The following KMT2E variants were observed in gnomAD, a reference collection of about 807,000 sequenced individuals.
KMT2E encodes the protein histone reader KMT2E.
Under a neutral mutation model 184.6 loss-of-function variants are expected in KMT2E, and 30 were observed. The observed-to-expected ratio is 0.16, with a 90% CI of 0.12 to 0.22. The LOEUF is 0.22. Among genes scored for constraint, KMT2E ranks in the 10% least tolerant of loss-of-function variants. The pLI is 1.00. For synonymous variants in KMT2E, 815 were observed against 776.5 expected, an observed-to-expected ratio of 1.05 and a Z score of -0.82; for missense variants, 2,023 against 2,237.4, an observed-to-expected ratio of 0.90 and a Z score of 1.93.
Position 105,078,900 on chromosome 7 carries a change from T to C in KMT2E, c.1185T>C (p.Val395=), listed in dbSNP as rs1669841513. 6.2e-7 allele frequency: 1 copy of C among 1,611,590 alleles called. No homozygotes were observed. Among genetic ancestry groups the C allele is most frequent in the Non-Finnish European group, 8.5e-7 (1 of 1,177,992 alleles). Residue 395 remains valine, a synonymous_variant, in exon 12 of 27, where the codon GTT becomes GTC. Transcript: ENST00000311117. ...AATTTCATGGGCTAGAAATGTGTGT[T>C]GATGCAAGGACTTTTGGGAATGAGG... The part of the protein sequence containing the change: ...YSKFHGLEMC[V]DARTFGNEAR...
chr7:105,109,292 TTTG>T (rs1381026307), intron 23 of KMT2E, 64 bp downstream of exon 23: 2 of 1,502,184 alleles, frequency 1.3e-6, no homozygotes, highest in East Asian at 2.4e-5. Flanking sequence ...ATTCTTCCTA[TTTG>T]TTGTTCTCCC....
chr7:105,076,127 CA>C, intron 9 of KMT2E, 46 bp downstream of exon 9: 1 of 1,288,132 alleles, frequency 7.8e-7, no homozygotes, highest in Non-Finnish European at 1.1e-6. Context: ...GTCATTTATT[CA>C]GGAGCTACAT....
rs573559668 is a variant in KMT2E, at chr7:105,049,292, C to T, written c.71+8269C>T. Reference sequence around the variant, plus strand: ...AAACCCCATCTGTACAAAAAAAATACCATAGTTAGCCAAGTGTGGTTGCTT... The same window carrying T: ...AAACCCCATCTGTACAAAAAAAATATCATAGTTAGCCAAGTGTGGTTGCTT... On this transcript the variant is annotated intron_variant, in intron 3 of 26. Coordinates refer to ENST00000311117, the MANE Select transcript of KMT2E (RefSeq NM_182931.3). Among the ~76,000 whole-genome samples the T allele has an allele frequency of 5.3e-5, 8 of 151,850 alleles. No homozygotes were observed. In the East Asian group the frequency reaches 1.4e-3, roughly 26 times the overall value.
At chr7:105,098,361 T>C (rs912317569) in intron 15 of KMT2E, among the ~76,000 whole-genome samples, 2 of 152,008 alleles carry the variant, frequency 1.3e-5, no homozygotes, top group Non-Finnish European at 2.9e-5. Context: ...TGCCTCAGTG[T>C]CTGGAGTAGC....
intron 1 of KMT2E, among the ~76,000 whole-genome samples, chr7:105,035,478 T>G (rs1274619915): frequency 1.4e-5 from 2 of 141,990 alleles, no homozygotes; most frequent in Admixed American, 1.4e-4. Context: ...CAAGATCGGC[T>G]TTTTTTTTTT....
rs1799349956 is a variant in KMT2E at position 105,112,505 on chromosome 7, A to G, written c.4749A>G (p.Thr1583=). Reference sequence around the variant, plus strand: ...GTCTTTCTCAACAAACTGTGTTTACATCAGGACCAAATCAAGCACTTCCTG... The same window carrying G: ...GTCTTTCTCAACAAACTGTGTTTACGTCAGGACCAAATCAAGCACTTCCTG... ...KGSLSQQTVF[T]SGPNQALPGT... Residue 1583 remains threonine (T), a synonymous_variant, in exon 27 of 27, where the codon ACA becomes ACG. Coordinates refer to ENST00000311117, the MANE Select transcript of KMT2E (RefSeq NM_182931.3). The G allele has an allele frequency of 6.2e-7, 1 of 1,614,092 alleles. No individual in the cohort carries two copies. Among genetic ancestry groups the G allele is most frequent in the East Asian group, 2.2e-5 (1 of 44,878 alleles).
Position 105,112,962 on chromosome 7 carries a change from G to A in KMT2E, c.5206G>A (p.Ala1736Thr), listed in dbSNP as rs756833268. Reference sequence around the variant, plus strand: ...GGCTTCTGGGCATCATACCACATCAGCTCAAGCCTTACACCACCCACCTCA... The same window carrying A: ...GGCTTCTGGGCATCATACCACATCAACTCAAGCCTTACACCACCCACCTCA... ...VLASGHHTTS[A>T]QALHHPPHQG... Residue 1736 changes from alanine to threonine, a missense_variant, in exon 27 of 27, where the codon GCT (alanine) becomes ACT (threonine). Coordinates refer to ENST00000311117, the MANE Select transcript of KMT2E (RefSeq NM_182931.3). 6.2e-7 allele frequency: 1 copy of A among 1,613,810 alleles called. No individual in the cohort carries two copies. Among genetic ancestry groups the A allele is most frequent in the South Asian group, 1.1e-5 (1 of 91,056 alleles).
chr7:105,025,645 G>A (rs1795146787), intron 1 of KMT2E, among the ~76,000 whole-genome samples: 1 of 152,120 alleles, frequency 6.6e-6, no homozygotes, highest in African/African-American at 2.4e-5. Context: ...AATGCTCATG[G>A]AAGTTATAGG....
At position 105,077,031 on chromosome 7, in the gene KMT2E, A is replaced by T. The variant is rs772778475; in HGVS notation, c.837A>T (p.Ala279=). 6.2e-7 allele frequency: 1 copy of T among 1,614,016 alleles called. No homozygotes were observed. Among genetic ancestry groups the T allele is most frequent in the South Asian group, 1.1e-5 (1 of 91,068 alleles). ...TTGGATGGGAGACAAAGATCAAAGC[A>T]TGGATGGATCGATATGAAGAAGCAA... ...SNFGWETKIK[A]WMDRYEEANN... is the part of the protein sequence containing the mutation. Residue 279 remains alanine (A), a synonymous_variant, in exon 10 of 27, where the codon GCA becomes GCT. Transcript: ENST00000311117.
At position 105,055,752 on chromosome 7, in the gene KMT2E, T is replaced by C. The variant is rs184600512; in HGVS notation, c.72-6412T>C. On this transcript the variant is annotated intron_variant, in intron 3 of 26. Coordinates refer to ENST00000311117, the MANE Select transcript of KMT2E (RefSeq NM_182931.3). ...TGTCTGGAATACTTTCTCCATCTCT[T>C]TGCCTTCTCTATTTCATGGACTTGT... 1.5e-3 allele frequency among the ~76,000 whole-genome samples: 226 copies of C among 152,328 alleles called. 1 individual carries two copies. Among genetic ancestry groups the C allele is most frequent in the Non-Finnish European group, 1.5e-3 (99 of 68,022 alleles).
chr7:105,051,215 C>T (rs952762063), intron 3 of KMT2E, among the ~76,000 whole-genome samples: 2 of 146,276 alleles, frequency 1.4e-5, no homozygotes, highest in African/African-American at 5.0e-5. Flanking sequence ...GATGGAGTTT[C>T]GCTCTTGTTG....
At chr7:105,040,355 G>A (rs1373004114) in intron 2 of KMT2E, among the ~76,000 whole-genome samples, 7 of 152,022 alleles carry the variant, frequency 4.6e-5, no homozygotes, top group Admixed American at 3.9e-4. Flanking sequence ...AGTGCTTTTC[G>A]GTATTAGCCT....
chr7:105,086,013 G>A (rs1048935655), intron 13 of KMT2E, among the ~76,000 whole-genome samples: 2 of 152,058 alleles, frequency 1.3e-5, no homozygotes, highest in Admixed American at 1.3e-4. Flanking sequence ...GTCTGTATTT[G>A]TTGGCAAATA....
At position 105,112,017 on chromosome 7, in the gene KMT2E, G is replaced by A. The variant is rs766600155; in HGVS notation, c.4261G>A (p.Val1421Ile). The change falls in exon 27 of 27, where the codon GTT becomes ATT. Residue 1421 changes from valine (V) to isoleucine (I), a missense_variant. Physicochemically the swap from Val to Ile is conservative, Grantham distance 29. This residue lies in a region of KMT2E where 1,108 missense variants were observed against 1,050.9 expected (regional missense o/e 1.05). Coordinates refer to ENST00000311117, the MANE Select transcript of KMT2E (RefSeq NM_182931.3). ...LSKNHPPQTHVRNSSEQLSQK... is the reference protein window; with the variant it reads ...LSKNHPPQTHIRNSSEQLSQK... ...AAAGAATCATCCTCCTCAGACACAC[G>A]TTCGTAATTCATCTGAGCAACTTTC... is the stretch of plus-strand genomic sequence containing the variant. The A allele has an allele frequency of 2.8e-5, 45 of 1,614,024 alleles. No homozygotes were observed. Among genetic ancestry groups the A allele is most frequent in the Non-Finnish European group, 3.5e-5 (41 of 1,180,034 alleles).
chr7:105,042,726 C>A (rs1206208870), intron 3 of KMT2E, among the ~76,000 whole-genome samples: 1 of 152,046 alleles, frequency 6.6e-6, no homozygotes, highest in African/African-American at 2.4e-5. Flanking sequence ...TTCATTTGCT[C>A]TTTATTTTTA....
chr7:105,071,497 G>T (rs1315812363), intron 6 of KMT2E, among the ~76,000 whole-genome samples: 1 of 146,568 alleles, frequency 6.8e-6, no homozygotes, highest in Non-Finnish European at 1.5e-5. Flanking sequence ...CTGCCGAGTA[G>T]CTGGACCACA....
chr7:105,049,926 TA>T (rs1228275209), intron 3 of KMT2E, among the ~76,000 whole-genome samples: 2 of 151,900 alleles, frequency 1.3e-5, no homozygotes, highest in African/African-American at 4.8e-5. Context: ...ATGTCACTTT[TA>T]AAAAAATTGG....
chr7:105,015,566 G>A (rs895015718), intron 1 of KMT2E, among the ~76,000 whole-genome samples: 1 of 152,176 alleles, frequency 6.6e-6, no homozygotes, highest in African/African-American at 2.4e-5. Context: ...CTCGAGGCTG[G>A]AGACATGAAT....
At chr7:105,034,682 C>A (rs1488997913) in intron 1 of KMT2E, among the ~76,000 whole-genome samples, 7 of 151,810 alleles carry the variant, frequency 4.6e-5, no homozygotes, top group Non-Finnish European at 1.0e-4. Context: ...AGGTATAGAA[C>A]AATTTTATCA....
Sources: allele counts gnomAD v4.1 joint callset (sites outside exome capture counted in the v4.1 genomes callset), GRCh38; gene constraint gnomAD v4.1.1; regional missense constraint gnomAD v4.1.1; transcripts MANE v1.5; gene names NCBI Gene and HGNC (gene_info 2026-07-23, HGNC 2026-07-21).